Variants in PRICKLE2 observed in about 807,000 individuals in gnomAD.
PRICKLE2 encodes prickle-like protein 2.
Under a neutral mutation model 81.4 loss-of-function variants are expected in PRICKLE2, and 21 were observed. That is an observed-to-expected ratio of 0.26 (90% CI 0.18 to 0.37). The LOEUF (loss-of-function observed/expected upper bound fraction) is 0.37. Ranked by LOEUF, PRICKLE2 falls within the 10% of genes least tolerant of loss-of-function variation. PRICKLE2 has a pLI of 1.00. For synonymous variants in PRICKLE2, 456 were observed against 421.5 expected (o/e 1.08, Z -1.00); for missense variants, 940 against 1,109.0 (o/e 0.85, Z 2.16).
intron 7 of PRICKLE2, among the ~76,000 whole-genome samples, chr3:64,119,161 G>C (rs1249965485): frequency 6.6e-6 from 1 of 152,146 alleles, no homozygotes; most frequent in Non-Finnish European, 1.5e-5. Flanking sequence ...ATAAGTGGGA[G>C]CTAAATGATG....
At chr3:64,211,102 C>T (rs557745652) in intron 1 of PRICKLE2, among the ~76,000 whole-genome samples, 2 of 152,300 alleles carry the variant, frequency 1.3e-5, no homozygotes, top group African/African-American at 4.8e-5. Flanking sequence ...TATCAACCAA[C>T]TCTCAACAGC....
At chr3:64,191,869 A>T (rs544472810) in intron 2 of PRICKLE2, among the ~76,000 whole-genome samples, 11 of 152,076 alleles carry the variant, frequency 7.2e-5, no homozygotes, top group African/African-American at 2.7e-4. Context: ...CGAGATTCGG[A>T]TGGGGACATA....
At chr3:64,112,809 G>A (rs946980458) in intron 7 of PRICKLE2, among the ~76,000 whole-genome samples, 4 of 152,090 alleles carry the variant, frequency 2.6e-5, no homozygotes, top group African/African-American at 4.8e-5. Flanking sequence ...AACTGAATAA[G>A]CAAAAAACAG....
intron 7 of PRICKLE2, among the ~76,000 whole-genome samples, chr3:64,141,458 G>A (rs2077360949): frequency 6.6e-6 from 1 of 152,184 alleles, no homozygotes; most frequent in African/African-American, 2.4e-5. Flanking sequence ...ACTCAATAAT[G>A]TCAGTTGTTC....
intron 2 of PRICKLE2, among the ~76,000 whole-genome samples, chr3:64,257,660 T>G (rs922101321): frequency 6.6e-6 from 1 of 151,980 alleles, no homozygotes; most frequent in African/African-American, 2.4e-5. Context: ...GAGTGGTGGC[T>G]CAAAAGATTT....
At chr3:64,106,733 C>A (rs1196425555) in intron 7 of PRICKLE2, among the ~76,000 whole-genome samples, 3 of 152,150 alleles carry the variant, frequency 2.0e-5, no homozygotes, top group Admixed American at 2.0e-4. Flanking sequence ...ACACATTTTT[C>A]TTTTCTTGTT....
chr3:64,151,087 C>A (rs2077539405), intron 6 of PRICKLE2, among the ~76,000 whole-genome samples: 1 of 152,204 alleles, frequency 6.6e-6, no homozygotes, highest in Non-Finnish European at 1.5e-5. Context: ...GGCAAAAGTA[C>A]CGTTGCCCTA....
At chr3:64,222,330 C>T (rs987735666) in intron 1 of PRICKLE2, among the ~76,000 whole-genome samples, 3 of 152,168 alleles carry the variant, frequency 2.0e-5, no homozygotes, top group Middle Eastern at 3.2e-3. Flanking sequence ...CAACCAGGAA[C>T]GACCAACTCC....
intron 2 of PRICKLE2, among the ~76,000 whole-genome samples, chr3:64,185,812 G>A (rs893162711): frequency 1.3e-5 from 2 of 152,142 alleles, no homozygotes; most frequent in Non-Finnish European, 2.9e-5. Flanking sequence ...TAAATCACAT[G>A]CAAGTATACA....
At chr3:64,236,180 G>T (rs1298425132) in intron 2 of PRICKLE2, among the ~76,000 whole-genome samples, 7 of 152,174 alleles carry the variant, frequency 4.6e-5, no homozygotes, top group Non-Finnish European at 1.0e-4. Flanking sequence ...CATACTGGAA[G>T]TTGATGCCCA....
rs764784009 is a variant in PRICKLE2 at position 64,097,894 on chromosome 3, C to T, written c.*1157G>A. The T allele has an allele frequency of 2.0e-5, 3 of 152,728 alleles. No homozygotes were observed. The highest frequency in any genetic ancestry group is 2.9e-5 in the Non-Finnish European group (2 of 68,120). 9.5% of individuals were successfully genotyped at this position (152,728 alleles called of 1,614,324 possible). A position where few individuals can be genotyped will look rare whatever the true frequency, so the allele number is the denominator to read the frequency against. On this transcript the variant is annotated 3_prime_UTR_variant, in exon 8 of 8. Transcript: ENST00000638394. ...TGACCTGCCTTCTGTTTTCAAATAG[C>T]CTTGTTCCTTCTCCAGGCATGACAT... is the stretch of plus-strand genomic sequence containing the variant.
At chr3:64,128,803 G>GA (rs1272527441) in intron 7 of PRICKLE2, among the ~76,000 whole-genome samples, 2 of 136,476 alleles carry the variant, frequency 1.5e-5, no homozygotes, top group South Asian at 4.7e-4. Flanking sequence ...CATTTTAAAA[G>GA]AAAAAAAAGT....
At chr3:64,107,187 T>C (rs697263) in intron 7 of PRICKLE2, among the ~76,000 whole-genome samples, 127,998 of 152,016 alleles carry the variant, frequency 0.84, 57,969 homozygotes, top group Non-Finnish European at 1. Flanking sequence ...ATTCAGCCTG[T>C]GGTTCTCTGT....
At chr3:64,167,469 T>C (rs891346429) in intron 2 of PRICKLE2, among the ~76,000 whole-genome samples, 2 of 152,180 alleles carry the variant, frequency 1.3e-5, no homozygotes, top group Non-Finnish European at 2.9e-5. Flanking sequence ...GAAAATGAAA[T>C]AGCCAAAGGC....
intron 2 of PRICKLE2, among the ~76,000 whole-genome samples, chr3:64,166,975 C>A (rs974823731): frequency 6.6e-6 from 1 of 152,196 alleles, no homozygotes; most frequent in Non-Finnish European, 1.5e-5. Flanking sequence ...AAACAGCTCT[C>A]CTGAATTCTT....
At chr3:64,159,772 T>C in intron 4 of PRICKLE2, 168 bp downstream of exon 4, 1 of 785,906 alleles carries the variant, frequency 1.3e-6, no homozygotes. Flanking sequence ...TCTGACTTCC[T>C]CCCCTAGAAT....
At chr3:64,111,678 GTA>G (rs1392862143) in intron 7 of PRICKLE2, among the ~76,000 whole-genome samples, 1 of 152,200 alleles carries the variant, frequency 6.6e-6, no homozygotes. Flanking sequence ...AACATGTACA[GTA>G]TATCCCATTT....
At chr3:64,256,462 CTT>C (rs1285144385) in intron 2 of PRICKLE2, among the ~76,000 whole-genome samples, 1 of 152,156 alleles carries the variant, frequency 6.6e-6, no homozygotes, top group African/African-American at 2.4e-5. Flanking sequence ...GATTTTGCCT[CTT>C]GACTTGCATA....
chr3:64,238,397 G>A (rs1326547385), intron 2 of PRICKLE2, among the ~76,000 whole-genome samples: 2 of 149,314 alleles, frequency 1.3e-5, no homozygotes, highest in African/African-American at 4.9e-5. Flanking sequence ...CTGAGTAGGA[G>A]AATCACTTGA....
Sources: allele counts gnomAD v4.1 joint callset (sites outside exome capture counted in the v4.1 genomes callset), GRCh38; gene constraint gnomAD v4.1.1; transcripts MANE v1.5; gene names NCBI Gene and HGNC (gene_info 2026-07-23, HGNC 2026-07-21).